The following TUSC3 variants were observed in gnomAD, a reference collection of about 807,000 sequenced individuals.
TUSC3 encodes the protein tumor suppressor candidate 3.
In TUSC3, 45 loss-of-function variants were observed where a neutral mutation model predicts 44.8. That is an observed-to-expected ratio of 1.00 (90% confidence interval 0.79 to 1.29). The LOEUF (loss-of-function observed/expected upper bound fraction) is 1.29, where lower values mean the gene tolerates loss of function less well. Among genes scored for constraint, TUSC3 ranks in the 50% most tolerant of loss-of-function variants. TUSC3 has a pLI of 0.00. For missense variants in TUSC3, 519 were observed against 437.9 expected (o/e 1.19, Z -1.65); for synonymous variants, 212 against 152.9 (o/e 1.39, Z -2.85).
intron 6 of TUSC3, among the ~76,000 whole-genome samples, chr8:15,679,769 T>C (rs1808337724): frequency 6.6e-6 from 1 of 152,114 alleles, no homozygotes; most frequent in East Asian, 1.9e-4. Context: ...ATTTTGTATA[T>C]ATGGAAAGCT....
chr8:15,543,845 C>T (rs537428520), intron 1 of TUSC3, among the ~76,000 whole-genome samples: 2 of 149,014 alleles, frequency 1.3e-5, no homozygotes, highest in East Asian at 2.0e-4. Context: ...AATTCTCTTA[C>T]GTTGTTTGAA....
intron 2 of TUSC3, among the ~76,000 whole-genome samples, chr8:15,500,809 A>G (rs113104395): frequency 8.5e-5 from 13 of 152,168 alleles, no homozygotes; most frequent in African/African-American, 2.7e-4. Context: ...TCTGTTCATG[A>G]ATATTAAGCC....
chr8:15,720,441 TAC>T (rs1810259994), intron 6 of TUSC3, among the ~76,000 whole-genome samples: 1 of 152,102 alleles, frequency 6.6e-6, no homozygotes, highest in South Asian at 2.1e-4. Context: ...AAAGCCATGG[TAC>T]TGTCAACCAT....
rs117684386 is a variant in TUSC3, at chr8:15,434,058, G to A, written n.91+16753G>A. Among the ~76,000 whole-genome samples, 77 of 152,196 alleles carry A rather than the reference G, an allele frequency of 5.1e-4. 3 individuals are homozygous for A. The East Asian group carries it at 8.3e-3, about 16-fold the overall frequency. ...AACAGTTCCTCAAGGTGACCTTTCC[G>A]TTTTGTAGTCTCAATAGCAACGTGA... is the stretch of plus-strand genomic sequence containing the variant. On this transcript the variant is annotated intron_variant and non_coding_transcript_variant, in intron 1 of 5. Transcript: ENST00000503191.
chr8:15,833,477 G>C, the TUSC3 span, among the ~76,000 whole-genome samples: 440 of 152,288 alleles, frequency 2.9e-3, 1 homozygote, highest in African/African-American at 0.01. Context: ...AGCAACGGTA[G>C]ACTGGATGAA....
intron 1 of TUSC3, among the ~76,000 whole-genome samples, chr8:15,436,066 C>T (rs890904494): frequency 6.6e-6 from 1 of 152,156 alleles, no homozygotes; most frequent in African/African-American, 2.4e-5. Context: ...CAAGATCGCT[C>T]ATTCACATAC....
chr8:15,709,018 A>G (rs1020093515), intron 6 of TUSC3, among the ~76,000 whole-genome samples: 5 of 151,940 alleles, frequency 3.3e-5, no homozygotes, highest in African/African-American at 1.2e-4. Context: ...AATTGGTTCA[A>G]AAGAAGATAG....
intron 1 of TUSC3, among the ~76,000 whole-genome samples, chr8:15,573,823 T>C (rs1455566313): frequency 1.3e-5 from 2 of 152,070 alleles, no homozygotes; most frequent in African/African-American, 4.8e-5. Context: ...AAGAAAACTG[T>C]GCAGAAATGT....
chr8:15,795,893 C>T, the TUSC3 span, among the ~76,000 whole-genome samples: 1 of 152,146 alleles, frequency 6.6e-6, no homozygotes, highest in Non-Finnish European at 1.5e-5. Context: ...ATTTGTCTAC[C>T]CCCCAGAATG....
intron 1 of TUSC3, among the ~76,000 whole-genome samples, chr8:15,466,763 G>C (rs1019847355): frequency 6.6e-6 from 1 of 152,062 alleles, no homozygotes; most frequent in Non-Finnish European, 1.5e-5. Context: ...AGTCATCTTA[G>C]TATAATTCAG....
the TUSC3 span, among the ~76,000 whole-genome samples, chr8:15,818,502 T>C: frequency 6.6e-6 from 1 of 152,226 alleles, no homozygotes; most frequent in African/African-American, 2.4e-5. Flanking sequence ...AATTTTGTCA[T>C]TTCACTCATT....
chr8:15,486,585 C>T (rs1800735895), intron 2 of TUSC3, among the ~76,000 whole-genome samples: 1 of 152,120 alleles, frequency 6.6e-6, no homozygotes, highest in Non-Finnish European at 1.5e-5. Context: ...GCTGGGATTA[C>T]AGGCGCCCGC....
chr8:15,643,858 G>A (rs909823573), intron 2 of TUSC3, among the ~76,000 whole-genome samples: 1 of 152,116 alleles, frequency 6.6e-6, no homozygotes, highest in Non-Finnish European at 1.5e-5. Flanking sequence ...TTAAGTAATA[G>A]GTGAGTGTGC....
rs193260936 is a variant in TUSC3, at chr8:15,752,430, A to C, written c.1028+3965A>C. Among the ~76,000 whole-genome samples the C allele has an allele frequency of 7.2e-5, 11 of 152,268 alleles. No homozygotes were observed. In the South Asian group the frequency reaches 1.7e-3, roughly 23 times the overall value. ...TATATGAAAAGGAAGATATATACAC[A>C]AAAGGAAATATTCTTAACCAATTTG... On this transcript the variant is annotated intron_variant, in intron 9 of 10. Coordinates refer to ENST00000503731, the MANE Select transcript of TUSC3 (RefSeq NM_006765.4).
At chr8:15,487,072 A>C (rs1206470993) in intron 2 of TUSC3, among the ~76,000 whole-genome samples, 3 of 152,202 alleles carry the variant, frequency 2.0e-5, no homozygotes, top group Non-Finnish European at 4.4e-5. Flanking sequence ...CTTCTATGAC[A>C]AACCGATAAA....
rs183354632 is a variant in TUSC3 at position 15,544,500 on chromosome 8, G to A, written c.138+3932G>A. ...CAATATGAAAAATTGAAGAGCTCAT[G>A]TTTTCTAAGCGATCAATTGTTTGAC... On this transcript the variant is annotated intron_variant, in intron 1 of 10. Coordinates refer to ENST00000503731, the MANE Select transcript of TUSC3 (RefSeq NM_006765.4). Among the ~76,000 whole-genome samples the A allele has an allele frequency of 1.3e-5, 2 of 151,876 alleles. 1 individual carries two copies. The highest frequency in any genetic ancestry group is 1.3e-4 in the Admixed American group (2 of 15,238).
chr8:15,831,837 T>A, the TUSC3 span, among the ~76,000 whole-genome samples: 2 of 152,092 alleles, frequency 1.3e-5, no homozygotes, highest in Admixed American at 6.6e-5. Context: ...CTGAAAGAGA[T>A]GGAGAGAGTG....
intron 6 of TUSC3, among the ~76,000 whole-genome samples, chr8:15,685,725 A>C (rs896460355): frequency 1.1e-4 from 17 of 152,182 alleles, no homozygotes; most frequent in African/African-American, 4.1e-4. Context: ...TCAATATATA[A>C]CAGACCTATA....
At chr8:15,626,205 C>G (rs1426110930) in intron 2 of TUSC3, among the ~76,000 whole-genome samples, 1 of 152,198 alleles carries the variant, frequency 6.6e-6, no homozygotes, top group Non-Finnish European at 1.5e-5. Context: ...TCTGCCACTC[C>G]AGACCCTGTC....
Sources: allele counts gnomAD v4.1 joint callset (sites outside exome capture counted in the v4.1 genomes callset), GRCh38; gene constraint gnomAD v4.1.1; transcripts MANE v1.5; gene names NCBI Gene and HGNC (gene_info 2026-07-23, HGNC 2026-07-21).